Variants in CCDC92 observed in about 807,000 individuals in gnomAD.
The protein encoded by CCDC92 is coiled-coil domain-containing protein 92.
CCDC92 carries 12 observed loss-of-function variants against 24.9 expected under a neutral mutation model. That is an observed-to-expected ratio of 0.48 (90% CI 0.31 to 0.78). The LOEUF (loss-of-function observed/expected upper bound fraction) is 0.78, where lower values mean the gene tolerates loss of function less well. Among genes scored for constraint, CCDC92 ranks in the 30% least tolerant of loss-of-function variants. CCDC92 has a pLI of 0.05. For synonymous variants in CCDC92, 193 were observed against 196.3 expected (o/e 0.98, Z 0.14); for missense variants, 399 against 439.4 (o/e 0.91, Z 0.82).
chr12:123,946,242 T>G (rs1955865292), intron 1 of CCDC92: 1 of 152,368 alleles, frequency 6.6e-6, no homozygotes, highest in Non-Finnish European at 1.5e-5. Context: ...CAGACTGGTC[T>G]GCCCGGCCCT....
intron 1 of CCDC92, among the ~76,000 whole-genome samples, chr12:123,957,199 A>G (rs888649585): frequency 6.6e-6 from 1 of 152,236 alleles, no homozygotes; most frequent in Non-Finnish European, 1.5e-5. Flanking sequence ...TTTGGTTTAG[A>G]GTGCCCAGAT....
At chr12:123,944,587 C>T (rs186085370) in intron 1 of CCDC92, 3 of 383,780 alleles carry the variant, frequency 7.8e-6, no homozygotes, top group African/African-American at 6.3e-5. Flanking sequence ...ACCAATTGCT[C>T]ATCAATTATC....
At chr12:123,950,753 C>T (rs527373289) in intron 1 of CCDC92, among the ~76,000 whole-genome samples, 2 of 152,284 alleles carry the variant, frequency 1.3e-5, no homozygotes, top group South Asian at 2.1e-4. Context: ...TGATGTTACC[C>T]GTGGGAGGAA....
intron 1 of CCDC92, among the ~76,000 whole-genome samples, chr12:123,961,613 A>G (rs1956273475): frequency 6.6e-6 from 1 of 152,198 alleles, no homozygotes; most frequent in South Asian, 2.1e-4. Context: ...TTTACTCAAT[A>G]GAGGCAAAAT....
At chr12:123,963,807 A>T (rs1404756991) in intron 1 of CCDC92, among the ~76,000 whole-genome samples, 41 of 152,320 alleles carry the variant, frequency 2.7e-4, no homozygotes, top group Non-Finnish European at 5.9e-5. Context: ...ACTCTATCTA[A>T]TGCAGGCAGG....
At chr12:123,955,730 TGCTTCA>T (rs1340937001) in intron 1 of CCDC92, among the ~76,000 whole-genome samples, 1 of 152,204 alleles carries the variant, frequency 6.6e-6, no homozygotes, top group Non-Finnish European at 1.5e-5. Context: ...GTGATCCTCC[TGCTTCA>T]GCCTCCTATG....
At chr12:123,943,317 C>T in intron 3 of CCDC92, 30 bp downstream of exon 3, 1 of 1,605,152 alleles carries the variant, frequency 6.2e-7, no homozygotes, top group Non-Finnish European at 8.5e-7. Flanking sequence ...TAGCCGCCCC[C>T]CGCCTGCCCG....
intron 1 of CCDC92, among the ~76,000 whole-genome samples, chr12:123,960,253 G>T (rs1195349936): frequency 1.3e-5 from 2 of 152,116 alleles, no homozygotes. Flanking sequence ...ATCTCACTCA[G>T]CACCCTCCCC....
At chr12:123,944,203 C>T in intron 2 of CCDC92, 69 bp downstream of exon 2, 7 of 978,848 alleles carry the variant, frequency 7.2e-6, no homozygotes. Context: ...TGGAGTCTGT[C>T]CCCAATGCTT....
chr12:123,942,054 GTC>G (rs1186707955), intron 4 of CCDC92, among the ~76,000 whole-genome samples: 1 of 152,236 alleles, frequency 6.6e-6, no homozygotes, highest in African/African-American at 2.4e-5. Flanking sequence ...TCCAACAGGT[GTC>G]TCTGCACAAA....
At chr12:123,955,637 A>C (rs1267232072) in intron 1 of CCDC92, among the ~76,000 whole-genome samples, 1 of 152,114 alleles carries the variant, frequency 6.6e-6, no homozygotes, top group Non-Finnish European at 1.5e-5. Flanking sequence ...TAGTAATTGA[A>C]GCTCTATACA....
chr12:123,937,868 T>C lies in CCDC92; in HGVS notation c.224-38A>G, dbSNP rs778869349. Reference sequence around the variant, plus strand: ...GCCGAGGAAGCAGGTGAAGAACTCATTAGACTGAGGCCGAGTGGTGAGGCC... The same window carrying C: ...GCCGAGGAAGCAGGTGAAGAACTCACTAGACTGAGGCCGAGTGGTGAGGCC... On this transcript the variant is annotated intron_variant, in intron 4 of 4. Coordinates refer to ENST00000238156, the MANE Select transcript of CCDC92 (RefSeq NM_025140.3). This position sits in a 1 kb window ranked among gnomAD's most constrained non-coding sequence, Gnocchi z 8.4. 8 of 1,565,500 alleles carry C rather than the reference T, an allele frequency of 5.1e-6. No individual in the cohort carries two copies. The East Asian group carries it at 1.3e-4, about 26-fold the overall frequency.
chr12:123,971,275 C>T (rs1051252379), intron 1 of CCDC92, among the ~76,000 whole-genome samples: 1 of 152,012 alleles, frequency 6.6e-6, no homozygotes, highest in Non-Finnish European at 1.5e-5. Context: ...AGCCTTCTTC[C>T]AAGCATATTT....
intron 1 of CCDC92, among the ~76,000 whole-genome samples, chr12:123,958,762 A>G (rs1055493909): frequency 2.0e-5 from 3 of 152,316 alleles, no homozygotes; most frequent in Non-Finnish European, 2.9e-5. Context: ...ACTGAGGCGT[A>G]GAGAGCTTAA....
At chr12:123,949,576 A>T (rs1192504375) in intron 1 of CCDC92, among the ~76,000 whole-genome samples, 1 of 152,256 alleles carries the variant, frequency 6.6e-6, no homozygotes, top group Non-Finnish European at 1.5e-5. Flanking sequence ...AGCAATGCAA[A>T]TGGGTACCTC....
At chr12:123,966,961 T>G (rs1050646132) in intron 1 of CCDC92, among the ~76,000 whole-genome samples, 2 of 152,148 alleles carry the variant, frequency 1.3e-5, no homozygotes, top group African/African-American at 4.8e-5. Flanking sequence ...ACTTGGATAT[T>G]TATTTTGTCT....
At chr12:123,942,675 T>G (rs1955722190) in intron 4 of CCDC92, 69 bp downstream of exon 4, 1 of 1,212,004 alleles carries the variant, frequency 8.3e-7, no homozygotes, top group African/African-American at 1.5e-5. Context: ...GTGTGACTAG[T>G]GAAAACGGCA....
rs1269768606 is a variant in CCDC92 at position 123,949,587 on chromosome 12, G to A, written c.-59-5223C>T. 4.6e-5 allele frequency among the ~76,000 whole-genome samples: 7 copies of A among 152,220 alleles called. No individual in the cohort carries two copies. In the South Asian group the frequency reaches 8.3e-4, roughly 18 times the overall value. On this transcript the variant is annotated intron_variant, in intron 1 of 4. Coordinates refer to ENST00000238156, the MANE Select transcript of CCDC92 (RefSeq NM_025140.3). ...CAGAAGCAATGCAAATGGGTACCTC[G>A]AGGGTCAAAGTCCTGCTGAATAGGT...
intron 1 of CCDC92, among the ~76,000 whole-genome samples, chr12:123,959,125 A>T (rs1174554679): frequency 6.6e-6 from 1 of 152,208 alleles, no homozygotes; most frequent in Non-Finnish European, 1.5e-5. Context: ...AGCCTTGGGC[A>T]AGTCACACGT....
Sources: gnomAD v4.1 joint callset for allele counts (sites outside exome capture counted in the v4.1 genomes callset) on GRCh38, gnomAD v4.1.1 for gene constraint, Gnocchi (gnomAD v3.1) non-coding constraint, MANE v1.5 for transcripts, NCBI Gene and HGNC (gene_info 2026-07-23, HGNC 2026-07-21) for gene names.